TAF2: variants seen among roughly 807,000 people sequenced by gnomAD.
TAF2 encodes the protein transcription initiation factor TFIID subunit 2.
A neutral mutation model predicts 138.5 loss-of-function variants in TAF2; 61 were observed. The ratio of observed to expected loss-of-function variants is 0.44; its 90% confidence interval spans 0.36 to 0.54. The LOEUF is 0.54. TAF2 is among the 20% of genes least tolerant of loss of function. TAF2 has a pLI of 0.00. For synonymous variants in TAF2, 475 were observed against 469.9 expected, an observed-to-expected ratio of 1.01 and a Z score of -0.14; for missense variants, 1,090 against 1,427.9, an observed-to-expected ratio of 0.76 and a Z score of 3.81.
chr8:119,811,312 A>G (rs1436976116), intron 3 of TAF2, among the ~76,000 whole-genome samples: 1 of 152,152 alleles, frequency 6.6e-6, no homozygotes, highest in Non-Finnish European at 1.5e-5. Context: ...TGCAGATTTT[A>G]TAAAACTTCA....
intron 22 of TAF2, 50 bp from the exon 23 acceptor site, chr8:119,746,984 C>A (rs1010835800): frequency 6.4e-7 from 1 of 1,560,780 alleles, no homozygotes; most frequent in African/African-American, 1.4e-5. Context: ...TTGATTCATA[C>A]ATTTTAACTG....
intron 25 of TAF2, among the ~76,000 whole-genome samples, chr8:119,738,739 T>G (rs777609754): frequency 7.9e-5 from 12 of 152,182 alleles, no homozygotes; most frequent in African/African-American, 2.4e-4. Flanking sequence ...TGGAAGGATT[T>G]CAGCCCATGT....
chr8:119,779,632 G>T (rs540387223), intron 17 of TAF2, among the ~76,000 whole-genome samples: 1 of 152,280 alleles, frequency 6.6e-6, no homozygotes, highest in South Asian at 2.1e-4. Flanking sequence ...GGATCATCCT[G>T]AATCTGTCCT....
At chr8:119,738,473 A>G (rs1318683454) in intron 25 of TAF2, among the ~76,000 whole-genome samples, 1 of 152,222 alleles carries the variant, frequency 6.6e-6, no homozygotes, top group Non-Finnish European at 1.5e-5. Flanking sequence ...AAGTCCTTTT[A>G]GTAAACTGAA....
chr8:119,832,456 AG>A, intron 1 of TAF2, 25 bp downstream of exon 1: 1 of 1,608,756 alleles, frequency 6.2e-7, no homozygotes, highest in South Asian at 1.1e-5. Context: ...ACCAAAAGGA[AG>A]GAAGGGAAAT....
intron 18 of TAF2, among the ~76,000 whole-genome samples, chr8:119,769,280 T>A (rs918607976): frequency 6.6e-6 from 1 of 152,084 alleles, no homozygotes; most frequent in Admixed American, 6.5e-5. Context: ...CCCAATATAC[T>A]GTATAGTTGC....
At chr8:119,818,918 A>C (rs1825657201) in intron 3 of TAF2, among the ~76,000 whole-genome samples, 1 of 152,202 alleles carries the variant, frequency 6.6e-6, no homozygotes, top group Non-Finnish European at 1.5e-5. Context: ...TATGTTTATA[A>C]GATAGTTTAA....
intron 20 of TAF2, among the ~76,000 whole-genome samples, chr8:119,759,470 T>C (rs900732074): frequency 6.6e-6 from 1 of 152,160 alleles, no homozygotes; most frequent in Non-Finnish European, 1.5e-5. Context: ...AAGTTTAGCA[T>C]ACTTTTAAGT....
chr8:119,809,961 C>A, intron 3 of TAF2, among the ~76,000 whole-genome samples: 1 of 133,714 alleles, frequency 7.5e-6, no homozygotes, highest in South Asian at 2.5e-4. Context: ...CACTGATAAA[C>A]TTTCTTGATG....
At chr8:119,829,963 G>A (rs1174681482) in intron 2 of TAF2, among the ~76,000 whole-genome samples, 1 of 150,184 alleles carries the variant, frequency 6.7e-6, no homozygotes, top group African/African-American at 2.5e-5. Flanking sequence ...GGTTCGGCGC[G>A]ATCTCGGCTC....
chr8:119,747,077 C>T, intron 22 of TAF2, 143 bp from the exon 23 acceptor site: 2 of 824,594 alleles, frequency 2.4e-6, no homozygotes, highest in Non-Finnish European at 3.9e-6. Context: ...GAATACTAGA[C>T]ATCAACCAAA....
intron 4 of TAF2, among the ~76,000 whole-genome samples, chr8:119,806,030 G>A (rs1162433973): frequency 6.6e-6 from 1 of 151,704 alleles, no homozygotes; most frequent in Non-Finnish European, 1.5e-5. Flanking sequence ...TCAGCCTCCT[G>A]AGTAGCTGGG....
chr8:119,750,035 G>A (rs1820241504), intron 22 of TAF2, among the ~76,000 whole-genome samples: 1 of 152,176 alleles, frequency 6.6e-6, no homozygotes, highest in African/African-American at 2.4e-5. Context: ...CACCAAAGTA[G>A]TAAATCTGAT....
At chr8:119,789,877 T>C (rs1823296729) in intron 11 of TAF2, 131 bp from the exon 12 acceptor site, 2 of 934,656 alleles carry the variant, frequency 2.1e-6, no homozygotes, top group East Asian at 2.7e-5. Flanking sequence ...ATTACACAGA[T>C]TATTCTAAAG....
intron 2 of TAF2, among the ~76,000 whole-genome samples, chr8:119,824,247 A>G (rs10088232): frequency 0.58 from 87,992 of 151,522 alleles, 25,723 homozygotes; most frequent in Middle Eastern, 0.75. Flanking sequence ...TGGCCAAGAC[A>G]GTGAAACCCC....
intron 9 of TAF2, among the ~76,000 whole-genome samples, chr8:119,794,135 C>T (rs1486384363): frequency 2.0e-5 from 3 of 152,032 alleles, no homozygotes; most frequent in Admixed American, 1.3e-4. Flanking sequence ...CAGTGGCTCA[C>T]ATCTGTAATC....
At chr8:119,767,388 GC>G in intron 18 of TAF2, among the ~76,000 whole-genome samples, 1 of 152,330 alleles carries the variant, frequency 6.6e-6, no homozygotes, top group Middle Eastern at 3.4e-3. Context: ...CTGAACCAGG[GC>G]AAGTGTGGAG....
chr8:119,759,534 A>T (rs916102922), intron 20 of TAF2, among the ~76,000 whole-genome samples: 1 of 152,110 alleles, frequency 6.6e-6, no homozygotes, highest in Non-Finnish European at 1.5e-5. Flanking sequence ...GACTTAGATT[A>T]TATTTCCATG....
In TAF2 at chr8:119,778,043, CTTGA is replaced by C. The variant is rs756365676; in HGVS notation, c.2336_2339del (p.Ile779SerfsTer19). The C allele has an allele frequency of 2.6e-6, 4 of 1,554,422 alleles. No homozygotes were observed. Among genetic ancestry groups the C allele is most frequent in the Non-Finnish European group, 2.7e-6 (3 of 1,130,470 alleles). ...CCTTATTTTTCCTGTTGTCATTGTACTTGATTAAGTCTAAAATAAATGTTAAGAC... is the reference window on the plus strand; with the variant it reads ...CCTTATTTTTCCTGTTGTCATTGTACTTAAGTCTAAAATAAATGTTAAGAC... On this transcript the variant is annotated frameshift_variant, in exon 18 of 26. Coordinates refer to ENST00000378164, the MANE Select transcript of TAF2 (RefSeq NM_003184.4). LOFTEE classifies it high-confidence loss of function.
Sources: gnomAD v4.1 joint callset for allele counts (sites outside exome capture counted in the v4.1 genomes callset) on GRCh38, gnomAD v4.1.1 for gene constraint, MANE v1.5 for transcripts, NCBI Gene and HGNC (gene_info 2026-07-23, HGNC 2026-07-21) for gene names.